Variants in DPYSL2 observed in about 807,000 individuals in gnomAD.
DPYSL2 encodes the protein dihydropyrimidinase-related protein 2.
DPYSL2 carries 13 observed loss-of-function variants against 69.9 expected under a neutral mutation model. The ratio of observed to expected loss-of-function variants is 0.19; its 90% CI spans 0.12 to 0.30. The LOEUF (loss-of-function observed/expected upper bound fraction) is 0.30, where lower values mean the gene tolerates loss of function less well. DPYSL2 is among the 10% of genes least tolerant of loss of function. The pLI, the probability that DPYSL2 is intolerant of heterozygous loss-of-function variation, is 1.00. For synonymous variants in DPYSL2, 326 were observed against 359.1 expected (o/e 0.91, Z 1.04); for missense variants, 587 against 918.9 (o/e 0.64, Z 4.67).
chr8:26,644,475 T>A lies in DPYSL2; in HGVS notation c.1425+384T>A, dbSNP rs533248424. ...GCTCAGACCACCATGCCTGGCTAAT[T>A]TTTTTTTTATTTTTTGTGGAGATGG... On this transcript the variant is annotated intron_variant, in intron 10 of 13. Coordinates refer to ENST00000521913, the MANE Select transcript of DPYSL2 (RefSeq NM_001197293.3). This position sits in a 1 kb window ranked among gnomAD's most constrained non-coding sequence, Gnocchi z 4.5. Among the ~76,000 whole-genome samples the A allele has an allele frequency of 5.1e-4, 77 of 150,742 alleles. No individual in the cohort carries two copies. Among genetic ancestry groups the A allele is most frequent in the African/African-American group, 1.8e-3 (73 of 41,088 alleles).
chr8:26,606,748 C>G (rs1249716802), intron 3 of DPYSL2, among the ~76,000 whole-genome samples: 1 of 151,990 alleles, frequency 6.6e-6, no homozygotes, highest in African/African-American at 2.4e-5. Flanking sequence ...AAAAATGAAA[C>G]TATGTTGGAG....
intron 7 of DPYSL2, among the ~76,000 whole-genome samples, chr8:26,630,623 C>T (rs1371242871): frequency 6.6e-6 from 1 of 152,128 alleles, no homozygotes; most frequent in African/African-American, 2.4e-5. Context: ...GGATGCCATT[C>T]ATGCAGGCTG....
chr8:26,535,026 T>G (rs953908280), intron 1 of DPYSL2, among the ~76,000 whole-genome samples: 8 of 152,342 alleles, frequency 5.3e-5, no homozygotes, highest in Middle Eastern at 3.4e-3. Flanking sequence ...ATTATGTGTC[T>G]TAGTCCAAGC....
chr8:26,649,061 T>C (rs1009440055), intron 11 of DPYSL2, among the ~76,000 whole-genome samples: 3 of 152,244 alleles, frequency 2.0e-5, no homozygotes, highest in Admixed American at 2.0e-4. Context: ...AACCTCCCTA[T>C]TCATGTGCCT....
chr8:26,593,939 A>G lies in DPYSL2; in HGVS notation c.628+9956A>G, dbSNP rs1801800328. Among the ~76,000 whole-genome samples, 1 of 152,150 alleles carries G rather than the reference A, an allele frequency of 6.6e-6. No homozygotes were observed. The highest frequency in any genetic ancestry group is 1.5e-5 in the Non-Finnish European group (1 of 68,028). ...GAGACAAAAATCAAAAGGGCCTGAT[A>G]ATAACATAGAATCATGGACTCTTAA... is the stretch of plus-strand genomic sequence containing the variant. On this transcript the variant is annotated intron_variant, in intron 3 of 13. Coordinates refer to ENST00000521913, the MANE Select transcript of DPYSL2 (RefSeq NM_001197293.3). The surrounding 1 kb of genome is among the most constrained non-coding windows in gnomAD (Gnocchi z 5.7).
At chr8:26,542,844 C>T (rs1174535336) in intron 1 of DPYSL2, among the ~76,000 whole-genome samples, 1 of 152,172 alleles carries the variant, frequency 6.6e-6, no homozygotes, top group Non-Finnish European at 1.5e-5. Flanking sequence ...CCTTCTAGGT[C>T]CTGTGTGTGT....
intron 3 of DPYSL2, among the ~76,000 whole-genome samples, chr8:26,622,143 TTC>T (rs1563413322): frequency 9.4e-4 from 51 of 54,228 alleles, no homozygotes; most frequent in African/African-American, 1.6e-3. Context: ...CCTTCCTTCC[TTC>T]CTTCCTTCCT....
rs1294962400 is a variant in DPYSL2, at chr8:26,593,078, G to C, written c.628+9095G>C. Among the ~76,000 whole-genome samples the C allele has an allele frequency of 6.6e-6, 1 of 152,192 alleles. No homozygotes were observed. Among genetic ancestry groups the C allele is most frequent in the Non-Finnish European group, 1.5e-5 (1 of 68,028 alleles). On this transcript the variant is annotated intron_variant, in intron 3 of 13. Coordinates refer to ENST00000521913, the MANE Select transcript of DPYSL2 (RefSeq NM_001197293.3). This position sits in a 1 kb window ranked among gnomAD's most constrained non-coding sequence, Gnocchi z 5.7. ...TGATAAAGGGGAGTGACAGTGAGTA[G>C]AAATTAGAGTTCTTTCTGGTTAACC...
chr8:26,580,244 G>A lies in DPYSL2; in HGVS notation c.355-1725G>A, dbSNP rs1801461580. On this transcript the variant is annotated intron_variant, in intron 1 of 13. Transcript: ENST00000521913. This position sits in a 1 kb window ranked among gnomAD's most constrained non-coding sequence, Gnocchi z 4.1. ...TATTCCATGGAAGCTTAGAGATCTG[G>A]GAGAGAAGTGGAGGTCATTGTAGAC... Among the ~76,000 whole-genome samples the A allele has an allele frequency of 1.3e-5, 2 of 152,126 alleles. No individual in the cohort carries two copies. Among genetic ancestry groups the A allele is most frequent in the East Asian group, 1.9e-4 (1 of 5,190 alleles).
At chr8:26,583,400 A>G (rs1801531333) in intron 2 of DPYSL2, among the ~76,000 whole-genome samples, 1 of 150,174 alleles carries the variant, frequency 6.7e-6, no homozygotes, top group South Asian at 2.1e-4. Context: ...GGTGAAAAGG[A>G]TATGATAAAA....
At chr8:26,548,074 T>C (rs566218246) in intron 1 of DPYSL2, 1 of 237,348 alleles carries the variant, frequency 4.2e-6, no homozygotes, top group Non-Finnish European at 8.7e-6. Context: ...CAGCATCTGA[T>C]CCCCAAGATT....
chr8:26,574,055 G>T (rs1045345831), intron 1 of DPYSL2, among the ~76,000 whole-genome samples: 1 of 152,092 alleles, frequency 6.6e-6, no homozygotes, highest in Non-Finnish European at 1.5e-5. Flanking sequence ...TTTGCTTCTA[G>T]GAGTCAAGGC....
chr8:26,615,449 C>T lies in DPYSL2; in HGVS notation c.629-8694C>T, dbSNP rs368092791. Among the ~76,000 whole-genome samples the T allele has an allele frequency of 1.8e-4, 28 of 152,194 alleles. No individual in the cohort carries two copies. The East Asian group carries it at 3.9e-3, about 21-fold the overall frequency. Reference sequence around the variant, plus strand: ...GGCCCTGTGAGTCTGCAGGGAGGACCGACGGGAGAGCTGGGTACTCCTGGG... The same window carrying T: ...GGCCCTGTGAGTCTGCAGGGAGGACTGACGGGAGAGCTGGGTACTCCTGGG... On this transcript the variant is annotated intron_variant, in intron 3 of 13. Transcript: ENST00000521913.
chr8:26,598,925 C>T lies in DPYSL2; in HGVS notation c.628+14942C>T, dbSNP rs547134664. On this transcript the variant is annotated intron_variant, in intron 3 of 13. Coordinates refer to ENST00000521913, the MANE Select transcript of DPYSL2 (RefSeq NM_001197293.3). This position sits in a 1 kb window ranked among gnomAD's most constrained non-coding sequence, Gnocchi z 4.2. ...TCCCCACTGTGCGTATTCTTAGCTG[C>T]GCAAGTGTCGTGCATGTGCGTTTGG... Among the ~76,000 whole-genome samples, 7 of 152,326 alleles carry T rather than the reference C, an allele frequency of 4.6e-5. No homozygotes were observed. In the South Asian group the frequency reaches 8.3e-4, roughly 18 times the overall value.
Position 26,585,832 on chromosome 8 carries a change from C to T in DPYSL2, c.628+1849C>T, listed in dbSNP as rs62491910. On this transcript the variant is annotated intron_variant, in intron 3 of 13. Coordinates refer to ENST00000521913, the MANE Select transcript of DPYSL2 (RefSeq NM_001197293.3). This position sits in a 1 kb window ranked among gnomAD's most constrained non-coding sequence, Gnocchi z 4.0. ...GCCATTAAAAACAATATTTCTCTGGCTGGGCACCATGGTTCATGCCTGTAA... is the reference window on the plus strand; with the variant it reads ...GCCATTAAAAACAATATTTCTCTGGTTGGGCACCATGGTTCATGCCTGTAA... Among the ~76,000 whole-genome samples, 2,058 of 152,350 alleles carry T rather than the reference C, an allele frequency of 0.014. 25 individuals carry two copies. The highest frequency in any genetic ancestry group is 0.068 in the Middle Eastern group (20 of 294).
chr8:26,551,064 C>G (rs1800867198), intron 1 of DPYSL2, among the ~76,000 whole-genome samples: 1 of 152,202 alleles, frequency 6.6e-6, no homozygotes, highest in African/African-American at 2.4e-5. Flanking sequence ...ACACTAATCT[C>G]CCCCAGATAC....
At chr8:26,527,992 C>T (rs1205064019) in intron 1 of DPYSL2, among the ~76,000 whole-genome samples, 3 of 151,868 alleles carry the variant, frequency 2.0e-5, no homozygotes, top group African/African-American at 4.8e-5. Flanking sequence ...TTAGTAGAGA[C>T]GAGGTTTCAC....
At chr8:26,595,975 A>G (rs1047075601) in intron 3 of DPYSL2, among the ~76,000 whole-genome samples, 4 of 151,512 alleles carry the variant, frequency 2.6e-5, no homozygotes, top group Admixed American at 1.3e-4. Flanking sequence ...TTTTTTAATT[A>G]CTGTTATTTA....
chr8:26,638,633 C>T (rs1332580951), intron 8 of DPYSL2, among the ~76,000 whole-genome samples: 2 of 152,202 alleles, frequency 1.3e-5, no homozygotes, highest in East Asian at 3.8e-4. Flanking sequence ...GGTGTGTCAT[C>T]AACCCAATTT....
Sources: gnomAD v4.1 joint callset for allele counts (sites outside exome capture counted in the v4.1 genomes callset) on GRCh38, gnomAD v4.1.1 for gene constraint, Gnocchi (gnomAD v3.1) non-coding constraint, MANE v1.5 for transcripts, NCBI Gene and HGNC (gene_info 2026-07-23, HGNC 2026-07-21) for gene names.